Variants in KCTD16 observed in about 807,000 individuals in gnomAD.
The protein encoded by KCTD16 is BTB/POZ domain-containing protein KCTD16.
KCTD16 carries 13 observed loss-of-function variants against 33.2 expected under a neutral mutation model. The observed-to-expected ratio is 0.39, with a 90% confidence interval of 0.25 to 0.62. The LOEUF is 0.62. KCTD16 is among the 20% of genes least tolerant of loss of function. The probability of loss-of-function intolerance (pLI) is 0.50; values close to 1 mark genes in which losing one functional copy is unlikely to be tolerated. For missense variants in KCTD16, 441 were observed against 525.1 expected (o/e 0.84, Z 1.57); for synonymous variants, 197 against 195.3 (o/e 1.01, Z -0.07).
At chr5:144,231,646 T>C (rs1754106425) in intron 3 of KCTD16, among the ~76,000 whole-genome samples, 2 of 152,160 alleles carry the variant, frequency 1.3e-5, no homozygotes, top group Admixed American at 1.3e-4. Context: ...TTGGAGATAA[T>C]TGAATTATGG....
chr5:144,273,058 A>G (rs535015203), intron 3 of KCTD16, among the ~76,000 whole-genome samples: 1 of 152,326 alleles, frequency 6.6e-6, no homozygotes, highest in African/African-American at 2.4e-5. Context: ...AGGAGGAACT[A>G]TTTATCAATC....
At position 144,475,666 on chromosome 5, in the gene KCTD16, C is replaced by A. The variant is rs117108089; in HGVS notation, c.*1552C>A. 6.6e-6 allele frequency: 1 copy of A among 152,422 alleles called. No individual in the cohort carries two copies. 9.4% of individuals were successfully genotyped at this position (152,422 alleles called of 1,614,324 possible). ...CAAGCACTCCTAATTTGTTTTATTGCGTGTGTGTGCATGTGTGTATGTGTA... is the reference window on the plus strand; with the variant it reads ...CAAGCACTCCTAATTTGTTTTATTGAGTGTGTGTGCATGTGTGTATGTGTA... On this transcript the variant is annotated 3_prime_UTR_variant, in exon 4 of 4. Coordinates refer to ENST00000512467, the MANE Select transcript of KCTD16 (RefSeq NM_020768.4).
chr5:144,309,292 C>T (rs564412361), intron 3 of KCTD16, among the ~76,000 whole-genome samples: 5 of 152,008 alleles, frequency 3.3e-5, no homozygotes, highest in African/African-American at 1.2e-4. Context: ...TGTCCTACGA[C>T]TCCAGGAGGA....
In KCTD16 at chr5:144,473,943, C is replaced by T. The variant is rs1434275622; in HGVS notation, c.1116C>T (p.Gly372=). The T allele has an allele frequency of 6.2e-7, 1 of 1,613,886 alleles. No homozygotes were observed. The highest frequency in any genetic ancestry group is 8.5e-7 in the Non-Finnish European group (1 of 1,180,012). Residue 372 remains glycine (G), a synonymous_variant, in exon 4 of 4, where the codon GGC becomes GGT. Transcript: ENST00000512467. The part of the protein sequence containing the change: ...KSDLLRTLTS[G]SRESNMSSKK... ...ACTTACTCCGGACTCTGACTTCAGG[C>T]TCCAGGGAATCGAACATGAGCAGCA...
intron 3 of KCTD16, among the ~76,000 whole-genome samples, chr5:144,371,525 C>T (rs1331199212): frequency 6.6e-6 from 1 of 152,136 alleles, no homozygotes; most frequent in Non-Finnish European, 1.5e-5. Flanking sequence ...CACACATTCC[C>T]ACCAGGGAGG....
rs548088746 is a variant in KCTD16, at chr5:144,292,869, G to A, written c.832+85323G>A. On this transcript the variant is annotated intron_variant, in intron 3 of 3. Coordinates refer to ENST00000512467, the MANE Select transcript of KCTD16 (RefSeq NM_020768.4). ...TCCACAGAGAGAGCGCTAGGATTCC[G>A]GGTTGCACATGTTTTAGAAGAGAGT... Among the ~76,000 whole-genome samples, 12 of 152,232 alleles carry A rather than the reference G, an allele frequency of 7.9e-5. No individual in the cohort carries two copies. In the South Asian group the frequency reaches 8.3e-4, roughly 11 times the overall value.
At chr5:144,399,469 C>T (rs1365460900) in intron 3 of KCTD16, among the ~76,000 whole-genome samples, 1 of 152,072 alleles carries the variant, frequency 6.6e-6, no homozygotes, top group African/African-American at 2.4e-5. Flanking sequence ...TTCCCATTAG[C>T]AAAGTGGTTG....
At chr5:144,177,668 T>C (rs1467676331) in intron 2 of KCTD16, among the ~76,000 whole-genome samples, 1 of 152,210 alleles carries the variant, frequency 6.6e-6, no homozygotes, top group Non-Finnish European at 1.5e-5. Flanking sequence ...CATTTCCCTT[T>C]TTTAAGAGCA....
At chr5:144,184,391 A>AT (rs1752685527) in intron 2 of KCTD16, among the ~76,000 whole-genome samples, 1 of 152,106 alleles carries the variant, frequency 6.6e-6, no homozygotes, top group African/African-American at 2.4e-5. Context: ...TCTATGGCAC[A>AT]TTTTGTTTAT....
intron 3 of KCTD16, among the ~76,000 whole-genome samples, chr5:144,292,036 A>G (rs1755908025): frequency 6.6e-6 from 1 of 152,154 alleles, no homozygotes; most frequent in South Asian, 2.1e-4. Flanking sequence ...TATTTTAACT[A>G]TTTTTCAATA....
At chr5:144,267,509 C>T (rs749562016) in intron 3 of KCTD16, among the ~76,000 whole-genome samples, 18 of 152,280 alleles carry the variant, frequency 1.2e-4, no homozygotes, top group Middle Eastern at 3.4e-3. Context: ...AGGCAAGCAG[C>T]AAATATTAAT....
chr5:144,466,243 T>TC (rs1481056026), intron 3 of KCTD16, among the ~76,000 whole-genome samples: 12 of 150,848 alleles, frequency 8.0e-5, no homozygotes, highest in Admixed American at 7.9e-4. Flanking sequence ...GCTAGGGTTT[T>TC]TTTTTTTTTT....
chr5:144,287,888 C>T (rs922430785), intron 3 of KCTD16, among the ~76,000 whole-genome samples: 1 of 152,132 alleles, frequency 6.6e-6, no homozygotes, highest in Non-Finnish European at 1.5e-5. Flanking sequence ...CCTGCCTCGG[C>T]CTCTCAAAGT....
intron 2 of KCTD16, among the ~76,000 whole-genome samples, chr5:144,188,083 A>T (rs114113345): frequency 2.4e-3 from 368 of 152,310 alleles, no homozygotes; most frequent in African/African-American, 8.5e-3. Flanking sequence ...ATAATCTGCC[A>T]TCATTATAGG....
At chr5:144,305,638 A>T (rs1348684795) in intron 3 of KCTD16, among the ~76,000 whole-genome samples, 1 of 151,948 alleles carries the variant, frequency 6.6e-6, no homozygotes, top group Non-Finnish European at 1.5e-5. Flanking sequence ...ACATGGTGAA[A>T]CCCCATCTCT....
chr5:144,331,313 A>C (rs1021133720), intron 3 of KCTD16, among the ~76,000 whole-genome samples: 2 of 152,198 alleles, frequency 1.3e-5, no homozygotes, highest in African/African-American at 4.8e-5. Context: ...ACCTCAAGGC[A>C]CAGCACCATT....
At chr5:144,310,583 T>C (rs7715049) in intron 3 of KCTD16, among the ~76,000 whole-genome samples, 1 of 87,676 alleles carries the variant, frequency 1.1e-5, no homozygotes, top group African/African-American at 3.8e-5. Context: ...AAATATTATA[T>C]ATTTTTTTTG....
intron 3 of KCTD16, among the ~76,000 whole-genome samples, chr5:144,244,721 GT>G (rs1754503181): frequency 6.6e-6 from 1 of 152,118 alleles, no homozygotes; most frequent in South Asian, 2.1e-4. Context: ...CCAATTCCTA[GT>G]TTCTCACTTT....
intron 3 of KCTD16, among the ~76,000 whole-genome samples, chr5:144,223,258 A>G (rs1047312526): frequency 6.6e-6 from 1 of 152,116 alleles, no homozygotes; most frequent in African/African-American, 2.4e-5. Flanking sequence ...AAACCTGCAC[A>G]TTGTGCACAC....
Sources: allele counts gnomAD v4.1 joint callset (sites outside exome capture counted in the v4.1 genomes callset), GRCh38; gene constraint gnomAD v4.1.1; transcripts MANE v1.5; gene names NCBI Gene and HGNC (gene_info 2026-07-23, HGNC 2026-07-21).